The following CACNA1C variants were observed in gnomAD, a reference collection of about 807,000 sequenced individuals.
CACNA1C encodes calcium voltage-gated channel subunit alpha1 C, also known as voltage-dependent L-type calcium channel subunit alpha-1C.
Under a neutral mutation model 229.0 loss-of-function variants are expected in CACNA1C, and 30 were observed. The observed-to-expected ratio is 0.13, with a 90% confidence interval of 0.10 to 0.18. CACNA1C has a LOEUF of 0.18. Ranked by LOEUF, CACNA1C falls within the 10% of genes least tolerant of loss-of-function variation. CACNA1C has a pLI of 1.00. For synonymous variants in CACNA1C, 1,114 were observed against 1,132.5 expected, an observed-to-expected ratio of 0.98 and a Z score of 0.33; for missense variants, 1,658 against 2,845.0, an observed-to-expected ratio of 0.58 and a Z score of 9.49.
intron 1 of CACNA1C, among the ~76,000 whole-genome samples, chr12:2,074,359 C>T (rs1438884378): frequency 6.6e-6 from 1 of 152,148 alleles, no homozygotes; most frequent in Non-Finnish European, 1.5e-5. Flanking sequence ...TTTTTCAAAA[C>T]ATCTCATGCA....
intron 3 of CACNA1C, among the ~76,000 whole-genome samples, chr12:2,159,005 G>C (rs994350346): frequency 6.6e-6 from 1 of 152,022 alleles, no homozygotes; most frequent in Admixed American, 6.6e-5. Context: ...TACCTTCTAT[G>C]ATGAGGAAAA....
At chr12:2,534,530 T>C (rs1377451330) in intron 9 of CACNA1C, among the ~76,000 whole-genome samples, 1 of 152,220 alleles carries the variant, frequency 6.6e-6, no homozygotes. Context: ...ACTCCTTTCT[T>C]GTAGAGCTTA....
At chr12:2,101,001 CAA>C (rs551820516) in intron 1 of CACNA1C, among the ~76,000 whole-genome samples, 21 of 72,248 alleles carry the variant, frequency 2.9e-4, no homozygotes, top group Non-Finnish European at 4.2e-4. Flanking sequence ...AGACCCATCT[CAA>C]AAAAAAAAAA....
At chr12:2,391,605 G>C (rs1331654919) in intron 3 of CACNA1C, among the ~76,000 whole-genome samples, 1 of 68,196 alleles carries the variant, frequency 1.5e-5, no homozygotes, top group Non-Finnish European at 4.5e-5. Context: ...GGGAGGCAGA[G>C]AGGAGGAAAC....
chr12:2,476,157 C>T (rs1420117775), intron 5 of CACNA1C, among the ~76,000 whole-genome samples: 1 of 152,216 alleles, frequency 6.6e-6, no homozygotes, highest in Non-Finnish European at 1.5e-5. Context: ...CATCGTGATG[C>T]AATCACTTCC....
chr12:2,582,982 C>A (rs1302975783), intron 15 of CACNA1C, 40 bp downstream of exon 15: 5 of 1,446,592 alleles, frequency 3.5e-6, no homozygotes, highest in Non-Finnish European at 4.7e-6. Flanking sequence ...CGGCCCCCAG[C>A]CCCCAGCCTG....
chr12:2,291,060 G>T (rs2093447721), intron 3 of CACNA1C, among the ~76,000 whole-genome samples: 1 of 152,224 alleles, frequency 6.6e-6, no homozygotes, highest in Admixed American at 6.5e-5. Context: ...ACTAGAACTT[G>T]CTGAGTCCTA....
At chr12:2,050,720 T>A (rs1594382279), upstream of CACNA1C, among the ~76,000 whole-genome samples, 1 of 152,276 alleles carries the variant, frequency 6.6e-6, no homozygotes, top group Non-Finnish European at 1.5e-5. Flanking sequence ...GCTATTAACA[T>A]TAGAATGAAG....
Position 2,677,672 on chromosome 12 carries a change from C to G in CACNA1C, c.4957-61C>G, listed in dbSNP as rs1343507033. ...GACAGGTCTTGGCCCGAGGCTGTGG[C>G]TGGCTGGGGAGCTTGGAGGAAAGGG... On this transcript the variant is annotated intron_variant, in intron 40 of 46. Coordinates refer to ENST00000399655, the MANE Select transcript of CACNA1C (RefSeq NM_000719.7). This position sits in a 1 kb window ranked among gnomAD's most constrained non-coding sequence, Gnocchi z 7.4. 5 of 1,565,234 alleles carry G rather than the reference C, an allele frequency of 3.2e-6. No individual in the cohort carries two copies. Among genetic ancestry groups the G allele is most frequent in the Non-Finnish European group, 3.5e-6 (4 of 1,154,590 alleles).
intron 1 of CACNA1C, among the ~76,000 whole-genome samples, chr12:2,065,894 A>G (rs1354363833): frequency 6.6e-6 from 1 of 152,130 alleles, no homozygotes; most frequent in Admixed American, 6.5e-5. Context: ...TGCAGGGGGA[A>G]GAAGTGGGAG....
At chr12:2,246,997 T>C (rs914544507) in intron 3 of CACNA1C, among the ~76,000 whole-genome samples, 2 of 152,282 alleles carry the variant, frequency 1.3e-5, no homozygotes, top group African/African-American at 4.8e-5. Context: ...AACTCCCCGA[T>C]AGGTAGAATT....
At chr12:2,459,265 T>TTGGCCTCCCA (rs1015872792) in intron 5 of CACNA1C, among the ~76,000 whole-genome samples, 4 of 151,190 alleles carry the variant, frequency 2.6e-5, no homozygotes, top group African/African-American at 9.7e-5. Flanking sequence ...TCTGCCTGCC[T>TTGGCCTCCCA]TGGCCTCCCA....
At chr12:2,264,950 C>G (rs1207202362) in intron 3 of CACNA1C, among the ~76,000 whole-genome samples, 1 of 152,222 alleles carries the variant, frequency 6.6e-6, no homozygotes, top group Admixed American at 6.5e-5. Context: ...TCTGCAAACC[C>G]TTCTGTCCTT....
intron 22 of CACNA1C, 144 bp from the exon 23 acceptor site, chr12:2,604,937 C>T: frequency 1.5e-6 from 1 of 688,524 alleles, no homozygotes; most frequent in Non-Finnish European, 2.6e-6. Context: ...AGAGTGGTCC[C>T]AGAATGCGAA....
intron 7 of CACNA1C, among the ~76,000 whole-genome samples, chr12:2,498,344 C>T (rs2154575072): frequency 6.6e-6 from 1 of 152,320 alleles, no homozygotes; most frequent in East Asian, 1.9e-4. Context: ...GTGCTACCCC[C>T]AGGGTGCACC....
intron 5 of CACNA1C, among the ~76,000 whole-genome samples, chr12:2,483,686 G>A (rs1258460829): frequency 6.6e-6 from 1 of 152,192 alleles, no homozygotes; most frequent in Non-Finnish European, 1.5e-5. Flanking sequence ...TCAGTTTTCT[G>A]GTCTGGGTGC....
chr12:2,007,741 T>C (rs1210523000), intron 1 of CACNA1C, among the ~76,000 whole-genome samples: 3 of 152,244 alleles, frequency 2.0e-5, no homozygotes, highest in Admixed American at 1.3e-4. Context: ...TTCTCCCAAG[T>C]ATCTTACACA....
intron 9 of CACNA1C, among the ~76,000 whole-genome samples, chr12:2,543,337 G>T (rs963979720): frequency 3.3e-5 from 5 of 152,190 alleles, no homozygotes; most frequent in Admixed American, 3.3e-4. Context: ...TAGAGAAAAG[G>T]TGCCCCTTAG....
At chr12:2,429,995 T>G (rs1338623974) in intron 3 of CACNA1C, among the ~76,000 whole-genome samples, 1 of 152,130 alleles carries the variant, frequency 6.6e-6, no homozygotes, top group Non-Finnish European at 1.5e-5. Context: ...ACCACAGAAA[T>G]GTATTTCTTA....
Sources: gnomAD v4.1 joint callset for allele counts (sites outside exome capture counted in the v4.1 genomes callset) on GRCh38, gnomAD v4.1.1 for gene constraint, Gnocchi (gnomAD v3.1) non-coding constraint, MANE v1.5 for transcripts, NCBI Gene and HGNC (gene_info 2026-07-23, HGNC 2026-07-21) for gene names.